UBE2K: variants seen among roughly 807,000 people sequenced by gnomAD.
UBE2K encodes ubiquitin conjugating enzyme E2 K.
UBE2K carries 6 observed loss-of-function variants against 30.0 expected under a neutral mutation model. That is an observed-to-expected ratio of 0.20 (90% confidence interval 0.11 to 0.39). The LOEUF (loss-of-function observed/expected upper bound fraction) is 0.39, where lower values mean the gene tolerates loss of function less well. UBE2K is among the 10% of genes least tolerant of loss of function. The pLI is 1.00. For synonymous variants in UBE2K, 86 were observed against 83.7 expected, an observed-to-expected ratio of 1.03 and a Z score of -0.15; for missense variants, 61 against 241.6, an observed-to-expected ratio of 0.25 and a Z score of 4.96.
At chr4:39,770,389 TGAA>T in intron 4 of UBE2K, 2 of 1,613,292 alleles carry the variant, frequency 1.2e-6, no homozygotes, top group Non-Finnish European at 8.5e-7. Flanking sequence ...CACATGAAGA[TGAA>T]GTGCTGCTGC....
chr4:39,745,032 T>G (rs1720917253), intron 2 of UBE2K, among the ~76,000 whole-genome samples: 1 of 151,996 alleles, frequency 6.6e-6, no homozygotes, highest in Non-Finnish European at 1.5e-5. Context: ...TTAAAGTTTT[T>G]TATATTAAAA....
rs1428501117 is a variant in UBE2K, at chr4:39,770,523, G to GC, written c.300-4305dup. ...AGGCAGGGGTCCCTGGCTGCCCCCC[G>GC]CCCCCCGGGCAACCATGGCCGCCGC... On this transcript the variant is annotated intron_variant, in intron 4 of 6. Coordinates refer to ENST00000261427, the MANE Select transcript of UBE2K (RefSeq NM_005339.5). 4.1e-5 allele frequency: 65 copies of GC among 1,603,896 alleles called. No individual in the cohort carries two copies. In the East Asian group the frequency reaches 4.3e-4, roughly 10 times the overall value.
In UBE2K at chr4:39,714,320, C is replaced by T. The variant is rs967296126; in HGVS notation, c.63+15930C>T. The T allele has an allele frequency of 1.5e-5, 3 of 198,960 alleles. No homozygotes were observed. The Admixed American group carries it at 1.6e-4, about 10-fold the overall frequency. 12.3% of individuals were successfully genotyped at this position (198,960 alleles called of 1,614,324 possible). A position where few individuals can be genotyped will look rare whatever the true frequency, so the allele number is the denominator to read the frequency against. ...CCTGCCATCCAGTTTCTCTTGCCCA[C>T]AATTTCACTTGGGAAGACCAAGCCC... On this transcript the variant is annotated intron_variant, in intron 1 of 6. Transcript: ENST00000261427.
At chr4:39,753,965 C>T (rs986528602) in intron 3 of UBE2K, among the ~76,000 whole-genome samples, 3 of 152,112 alleles carry the variant, frequency 2.0e-5, no homozygotes, top group African/African-American at 7.2e-5. Context: ...GCCATGTTGG[C>T]GCTCCAAGAT....
chr4:39,764,961 A>T (rs1387878174), intron 4 of UBE2K, among the ~76,000 whole-genome samples: 2 of 151,136 alleles, frequency 1.3e-5, no homozygotes, highest in Non-Finnish European at 2.9e-5. Context: ...ATCTCGGCTG[A>T]CTGTAAGCTC....
intron 1 of UBE2K, among the ~76,000 whole-genome samples, chr4:39,723,399 C>T (rs565443314): frequency 6.8e-5 from 9 of 133,138 alleles, no homozygotes; most frequent in Non-Finnish European, 1.1e-4. Flanking sequence ...GACTGAGTCT[C>T]GCCCTGTTGC....
At chr4:39,750,233 A>G (rs2109366204) in intron 3 of UBE2K, among the ~76,000 whole-genome samples, 1 of 152,268 alleles carries the variant, frequency 6.6e-6, no homozygotes, top group Non-Finnish European at 1.5e-5. Context: ...AACACACTTC[A>G]CATATCTTCA....
At chr4:39,722,572 C>G (rs148634210) in intron 1 of UBE2K, among the ~76,000 whole-genome samples, 1 of 152,116 alleles carries the variant, frequency 6.6e-6, no homozygotes, top group Non-Finnish European at 1.5e-5. Flanking sequence ...CTCACACACA[C>G]CCCCACTCTC....
chr4:39,770,812 C>T, intron 4 of UBE2K: 2 of 1,553,850 alleles, frequency 1.3e-6, no homozygotes, highest in Middle Eastern at 1.7e-4. Flanking sequence ...TCCACCTTGA[C>T]GATGCAGATG....
At chr4:39,746,154 T>C (rs1720978596) in intron 3 of UBE2K, among the ~76,000 whole-genome samples, 1 of 152,138 alleles carries the variant, frequency 6.6e-6, no homozygotes, top group Admixed American at 6.6e-5. Flanking sequence ...CAAAGAAGTA[T>C]GTGTTTTAGG....
chr4:39,730,763 C>T (rs1448900667), intron 1 of UBE2K, among the ~76,000 whole-genome samples: 1 of 150,078 alleles, frequency 6.7e-6, no homozygotes, highest in Admixed American at 6.6e-5. Context: ...GAGTGAGACT[C>T]CGTCTCAAAA....
intron 4 of UBE2K, chr4:39,771,286 A>G (rs1257322335): frequency 1.2e-5 from 19 of 1,611,876 alleles, no homozygotes; most frequent in Non-Finnish European, 1.5e-5. Flanking sequence ...GCAGGCGGCT[A>G]AGATGACCTT....
chr4:39,734,769 C>T (rs1720266372), intron 1 of UBE2K, among the ~76,000 whole-genome samples: 1 of 152,204 alleles, frequency 6.6e-6, no homozygotes, highest in African/African-American at 2.4e-5. Flanking sequence ...TGAGATCGCA[C>T]TGCTGCATTC....
chr4:39,740,116 GT>G (rs954150373), intron 2 of UBE2K, among the ~76,000 whole-genome samples: 2 of 151,946 alleles, frequency 1.3e-5, no homozygotes, highest in African/African-American at 4.8e-5. Flanking sequence ...AATAGCAGAT[GT>G]TTTTATATAA....
chr4:39,705,672 G>GATTC (rs1560338180), intron 1 of UBE2K, among the ~76,000 whole-genome samples: 3 of 152,240 alleles, frequency 2.0e-5, no homozygotes, highest in Admixed American at 2.0e-4. Flanking sequence ...GCATGAGAGA[G>GATTC]ATTCCTTTTT....
chr4:39,771,927 G>A (rs1333697790), intron 4 of UBE2K, among the ~76,000 whole-genome samples: 3 of 152,068 alleles, frequency 2.0e-5, no homozygotes, highest in Non-Finnish European at 4.4e-5. Flanking sequence ...TATAACCTTC[G>A]CCTCCCAGGT....
At chr4:39,771,486 TA>T in intron 4 of UBE2K, 3 of 1,495,900 alleles carry the variant, frequency 2.0e-6, no homozygotes, top group Non-Finnish European at 1.8e-6. Flanking sequence ...TGTTTTTTTT[TA>T]ATCCCCTATT....
chr4:39,734,238 G>A (rs1007088205), intron 1 of UBE2K, among the ~76,000 whole-genome samples: 22 of 151,396 alleles, frequency 1.5e-4, no homozygotes, highest in African/African-American at 5.1e-4. Flanking sequence ...CCCAAGTAGC[G>A]GGGACTACAG....
chr4:39,711,002 A>G (rs1718637422), intron 1 of UBE2K, among the ~76,000 whole-genome samples: 1 of 151,690 alleles, frequency 6.6e-6, no homozygotes, highest in African/African-American at 2.4e-5. Context: ...AGTATCTGCT[A>G]TGTGAAGTTA....
Sources: gnomAD v4.1 joint callset for allele counts (sites outside exome capture counted in the v4.1 genomes callset) on GRCh38, gnomAD v4.1.1 for gene constraint, MANE v1.5 for transcripts, NCBI Gene and HGNC (gene_info 2026-07-23, HGNC 2026-07-21) for gene names.